HNRNPDL: variants seen among roughly 807,000 people sequenced by gnomAD.
HNRNPDL encodes heterogeneous nuclear ribonucleoprotein D like.
Under a neutral mutation model 48.0 loss-of-function variants are expected in HNRNPDL, and 18 were observed. That is an observed-to-expected ratio of 0.38 (90% CI 0.26 to 0.56). HNRNPDL has a LOEUF of 0.56. Among genes scored for constraint, HNRNPDL ranks in the 20% least tolerant of loss-of-function variants. The probability of loss-of-function intolerance (pLI) is 0.77; values close to 1 mark genes in which losing one functional copy is unlikely to be tolerated. For synonymous variants in HNRNPDL, 306 were observed against 207.3 expected (o/e 1.48, Z -4.09); for missense variants, 553 against 540.7 (o/e 1.02, Z -0.23).
intron 1 of HNRNPDL, among the ~76,000 whole-genome samples, chr4:82,428,659 G>A (rs1721522098): frequency 6.6e-6 from 1 of 152,156 alleles, no homozygotes; most frequent in Non-Finnish European, 1.5e-5. Flanking sequence ...ACTACATAAA[G>A]CAAAGCTCAA....
intron 6 of HNRNPDL, 23 bp downstream of exon 6, chr4:82,426,440 A>G (rs190431663): frequency 4.0e-5 from 63 of 1,590,014 alleles, no homozygotes; most frequent in Admixed American, 1.3e-4. Flanking sequence ...ACTGCTTTAT[A>G]AAATTAAGTT....
intron 7 of HNRNPDL, 74 bp downstream of exon 7, chr4:82,425,963 T>C (rs1164380554): frequency 2.9e-6 from 3 of 1,028,822 alleles, no homozygotes; most frequent in Admixed American, 3.7e-5. Context: ...TATTTTGTTT[T>C]TACGTTTCAT....
rs748637892 is a variant in HNRNPDL at position 82,428,067 on chromosome 4, G to A, written c.725C>T (p.Pro242Leu). ...PKKVFVGGLSPDTSEEQIKEY... is the reference protein window; with the variant it reads ...PKKVFVGGLSLDTSEEQIKEY... ...TTTAATTTGTTCTTCAGAAGTATCC[G>A]GGCTCAATCCACCCACAAAAACCTT... The change falls in exon 3 of 8, where the codon CCG (proline) becomes CTG (leucine). Residue 242 changes from proline to leucine, a missense_variant. Around this residue, in one of 4 missense-constraint regions of HNRNPDL, gnomAD observed 174 missense variants for 204.6 expected, o/e 0.85. Transcript: ENST00000295470. The A allele has an allele frequency of 5.6e-6, 9 of 1,613,934 alleles. No homozygotes were observed. Among genetic ancestry groups the A allele is most frequent in the South Asian group, 3.3e-5 (3 of 91,082 alleles).
Position 82,429,472 on chromosome 4 carries a change from C to G in HNRNPDL, c.219G>C (p.Ala73=). 2 of 1,576,482 alleles carry G rather than the reference C, an allele frequency of 1.3e-6. No homozygotes were observed. Among genetic ancestry groups the G allele is most frequent in the Non-Finnish European group, 1.7e-6 (2 of 1,161,470 alleles). Residue 73 remains alanine, a synonymous_variant, in exon 1 of 8, where the codon GCG becomes GCC. Coordinates refer to ENST00000295470, the MANE Select transcript of HNRNPDL (RefSeq NM_031372.4). Reference sequence around the variant, plus strand: ...GCCGCCTGCGCCCTCCCTTTATAGCCGCCCCGCCCGCCAATCGGGAGGGCT... The same window carrying G: ...GCCGCCTGCGCCCTCCCTTTATAGCGGCCCCGCCCGCCAATCGGGAGGGCT... ...AQQPSRLAGG[A]AIKGGRRRRP...
In HNRNPDL at chr4:82,422,735, C is replaced by T. The variant is rs146329382; in HGVS notation, c.*2171G>A. 4.0e-5 allele frequency: 6 copies of T among 151,846 alleles called. No individual in the cohort carries two copies. The highest frequency in any genetic ancestry group is 1.3e-4 in the Admixed American group (2 of 15,246). 9.4% of individuals were successfully genotyped at this position (151,846 alleles called of 1,614,324 possible). A position where few individuals can be genotyped will look rare whatever the true frequency, so the allele number is the denominator to read the frequency against. ...ACGATGTATAAAAACATATACAAAC[C>T]GAGCATTTGTTATAGGTACTTTAGA... On this transcript the variant is annotated 3_prime_UTR_variant, in exon 8 of 8. Coordinates refer to ENST00000295470, the MANE Select transcript of HNRNPDL (RefSeq NM_031372.4).
rs1578081943 is a variant in HNRNPDL, at chr4:82,424,318, G to C, written c.*588C>G. On this transcript the variant is annotated 3_prime_UTR_variant, in exon 8 of 8. Transcript: ENST00000295470. ...TTTATTACAATCCAGAAGAAATATG[G>C]TCTACTAGAAAGCTTCTACTAATCA... 1 of 152,340 alleles carries C rather than the reference G, an allele frequency of 6.6e-6. No homozygotes were observed. Among genetic ancestry groups the C allele is most frequent in the African/African-American group, 2.4e-5 (1 of 41,442 alleles). 9.4% of individuals were successfully genotyped at this position (152,340 alleles called of 1,614,324 possible). A position where few individuals can be genotyped will look rare whatever the true frequency, so the allele number is the denominator to read the frequency against.
At position 82,422,653 on chromosome 4, in the gene HNRNPDL, G is replaced by A. The variant is rs1721227775; in HGVS notation, c.*2253C>T. The A allele has an allele frequency of 6.6e-6, 1 of 152,094 alleles. No homozygotes were observed. Among genetic ancestry groups the A allele is most frequent in the Non-Finnish European group, 1.5e-5 (1 of 68,022 alleles). The allele number at this position is 152,094 out of a possible 1,614,324, so 9.4% of individuals were successfully genotyped here. ...CATGTTAACCAAAGAAATTACTAAG[G>A]TGTTTTGTTAGGATAACATCACACA... On this transcript the variant is annotated 3_prime_UTR_variant, in exon 8 of 8. Transcript: ENST00000295470.
At chr4:82,428,732 C>T (rs542879065) in intron 1 of HNRNPDL, among the ~76,000 whole-genome samples, 2 of 152,350 alleles carry the variant, frequency 1.3e-5, no homozygotes, top group East Asian at 1.9e-4. Flanking sequence ...GGCACAACTT[C>T]CTAGATGAAT....
At position 82,426,156 on chromosome 4, in the gene HNRNPDL, TAAGA is replaced by T. The variant is rs34583014; in HGVS notation, c.1193-31_1193-28del. 612,439 of 1,588,816 alleles carry T rather than the reference TAAGA, an allele frequency of 0.39. 124,763 individuals carry two copies. The highest frequency in any genetic ancestry group is 0.53 in the South Asian group (48,176 of 90,574). Reference sequence around the variant, plus strand: ...TATTTTGAAAACACAGAATTCTCATTAAGATAGTTTTCTACAAAACTTTCTTTAC... The same window carrying T: ...TATTTTGAAAACACAGAATTCTCATTTAGTTTTCTACAAAACTTTCTTTAC... On this transcript the variant is annotated intron_variant, in intron 6 of 7. Coordinates refer to ENST00000295470, the MANE Select transcript of HNRNPDL (RefSeq NM_031372.4).
In HNRNPDL at chr4:82,424,053, C is replaced by T. The variant is rs951916217; in HGVS notation, c.*853G>A. ...TTATTTTGCCACTATTTTAATTTTT[C>T]GACCAAACTCATACCTTTCTACCAA... On this transcript the variant is annotated 3_prime_UTR_variant, in exon 8 of 8. Transcript: ENST00000295470. 13 of 152,116 alleles carry T rather than the reference C, an allele frequency of 8.5e-5. No individual in the cohort carries two copies. Among genetic ancestry groups the T allele is most frequent in the Admixed American group, 3.3e-4 (5 of 15,280 alleles). 9.4% of individuals were successfully genotyped at this position (152,116 alleles called of 1,614,324 possible).
Position 82,429,761 on chromosome 4 carries a change from A to C in HNRNPDL, c.-71T>G. 5 of 1,207,406 alleles carry C rather than the reference A, an allele frequency of 4.1e-6. No individual in the cohort carries two copies. The highest frequency in any genetic ancestry group is 5.3e-6 in the Non-Finnish European group (5 of 939,628). 74.8% of individuals were successfully genotyped at this position (1,207,406 alleles called of 1,614,324 possible). ...GGCTTGGGAGAAGAGAAGAATCAGA[A>C]GAGAAAAACGAAGGGGCGTAAATTC... On this transcript the variant is annotated 5_prime_UTR_variant, in exon 1 of 8. Coordinates refer to ENST00000295470, the MANE Select transcript of HNRNPDL (RefSeq NM_031372.4).
chr4:82,427,167 A>T, intron 5 of HNRNPDL, 23 bp downstream of exon 5: 1 of 1,430,128 alleles, frequency 7.0e-7, no homozygotes, highest in African/African-American at 1.4e-5. Flanking sequence ...CCACGGAGTC[A>T]TATTTCAAGA....
chr4:82,428,906 C>A (rs2859538), intron 1 of HNRNPDL, among the ~76,000 whole-genome samples: 111,877 of 152,214 alleles, frequency 0.73, 44,150 homozygotes, highest in East Asian at 0.92. Flanking sequence ...AAAACCGCGC[C>A]GAGTGGTAAC....
chr4:82,426,503 A>G lies in HNRNPDL; in HGVS notation c.1152T>C (p.Tyr384=). The change falls in exon 6 of 8, where the codon TAT becomes TAC. Residue 384 remains tyrosine (Y), a synonymous_variant. Transcript: ENST00000295470. Reference sequence around the variant, plus strand: ...ATCCCTGTCCATATCCATAGTTCCCATAGTTATACCCAGTATAATCATATC... The same window carrying G: ...ATCCCTGTCCATATCCATAGTTCCCGTAGTTATACCCAGTATAATCATATC... The part of the protein sequence containing the change: ...YGGYDYTGYN[Y]GNYGYGQGYA... 1 of 1,612,948 alleles carries G rather than the reference A, an allele frequency of 6.2e-7. No individual in the cohort carries two copies. The highest frequency in any genetic ancestry group is 8.5e-7 in the Non-Finnish European group (1 of 1,179,090).
chr4:82,429,777 G>A lies in HNRNPDL; in HGVS notation c.-87C>T, dbSNP rs550196106. 979 of 1,079,954 alleles carry A rather than the reference G, an allele frequency of 9.1e-4. 1 individual carries two copies. The highest frequency in any genetic ancestry group is 1.1e-3 in the Non-Finnish European group (912 of 825,168). The allele number at this position is 1,079,954 out of a possible 1,614,324, so 66.9% of individuals were successfully genotyped here. A position where few individuals can be genotyped will look rare whatever the true frequency, so the allele number is the denominator to read the frequency against. On this transcript the variant is annotated 5_prime_UTR_variant, in exon 1 of 8. Coordinates refer to ENST00000295470, the MANE Select transcript of HNRNPDL (RefSeq NM_031372.4). ...AGAATCAGAAGAGAAAAACGAAGGG[G>A]CGTAAATTCCTGGGGTCAGCAGTCC...
chr4:82,429,548 C>G lies in HNRNPDL; in HGVS notation c.143G>C (p.Ser48Thr), dbSNP rs1721613131. The change falls in exon 1 of 8, where the codon AGC (serine) becomes ACC (threonine). Residue 48 changes from serine (S) to threonine (T), a missense_variant. Around this residue, in one of 4 missense-constraint regions of HNRNPDL, gnomAD observed 327 missense variants for 203.2 expected, o/e 1.61. Coordinates refer to ENST00000295470, the MANE Select transcript of HNRNPDL (RefSeq NM_031372.4). The stretch of plus-strand genomic sequence containing the variant: ...CCGGCGCGCCCCCTGCCGGGCGGAG[C>G]TGGGAGCGAGCGAAGGGAGGAGCGG... ...LAPLLPSLAP[S>T]SARQGARRAQ... is the part of the protein sequence containing the mutation. The G allele has an allele frequency of 2.1e-6, 3 of 1,459,316 alleles. No individual in the cohort carries two copies. The highest frequency in any genetic ancestry group is 2.7e-6 in the Non-Finnish European group (3 of 1,110,012). The allele number at this position is 1,459,316 out of a possible 1,614,324, so 90.4% of individuals were successfully genotyped here.
chr4:82,427,119 A>G, intron 5 of HNRNPDL, 71 bp downstream of exon 5: 3 of 998,126 alleles, frequency 3.0e-6, no homozygotes, highest in Non-Finnish European at 4.8e-6. Flanking sequence ...GCTTTGGTAC[A>G]GGACTACTCA....
chr4:82,429,105 T>C (rs886329479), intron 1 of HNRNPDL, 143 bp downstream of exon 1: 15 of 752,908 alleles, frequency 2.0e-5, no homozygotes, highest in Non-Finnish European at 3.4e-5. Context: ...CTTACTTTCC[T>C]CTTCCCTCCA....
At position 82,422,845 on chromosome 4, in the gene HNRNPDL, T is replaced by C. The variant is rs1459873259; in HGVS notation, c.*2061A>G. The C allele has an allele frequency of 4.6e-5, 7 of 152,208 alleles. No homozygotes were observed. The highest frequency in any genetic ancestry group is 1.0e-4 in the Non-Finnish European group (7 of 68,036). The allele number at this position is 152,208 out of a possible 1,614,324, so 9.4% of individuals were successfully genotyped here. ...AAAGGCAAATACGATGTAAAAAACA[T>C]ACACAGAGTATTTGTTATAGGTACT... On this transcript the variant is annotated 3_prime_UTR_variant, in exon 8 of 8. Transcript: ENST00000295470.
Sources: allele counts gnomAD v4.1 joint callset (sites outside exome capture counted in the v4.1 genomes callset), GRCh38; gene constraint gnomAD v4.1.1; regional missense constraint gnomAD v4.1.1; transcripts MANE v1.5; gene names NCBI Gene and HGNC (gene_info 2026-07-23, HGNC 2026-07-21).